Variants in HIC1 observed in about 807,000 individuals in gnomAD.
HIC1 encodes the protein hypermethylated in cancer 1 protein.
HIC1 carries 9 observed loss-of-function variants against 26.4 expected under a neutral mutation model. That is an observed-to-expected ratio of 0.34 (90% CI 0.21 to 0.59). HIC1 has a LOEUF of 0.59. Among genes scored for constraint, HIC1 ranks in the 20% least tolerant of loss-of-function variants. HIC1 has a pLI of 0.82. For synonymous variants in HIC1, 631 were observed against 523.1 expected, an observed-to-expected ratio of 1.21 and a Z score of -2.81; for missense variants, 965 against 1,075.7, an observed-to-expected ratio of 0.90 and a Z score of 1.44.
At position 2,059,561 on chromosome 17, in the gene HIC1, G is replaced by A. The variant is rs1286603944; in HGVS notation, c.*726G>A. ...CCATCCCGAGCCCAGGCTGGGCTGG[G>A]CTGGAACGCGGTCTCTTTAGCTCCC... On this transcript the variant is annotated 3_prime_UTR_variant, in exon 2 of 2. Transcript: ENST00000619757. 6.0e-6 allele frequency: 1 copy of A among 167,090 alleles called. No individual in the cohort carries two copies. The highest frequency in any genetic ancestry group is 1.9e-4 in the East Asian group (1 of 5,190). The allele number at this position is 167,090 out of a possible 1,614,324, so 10.4% of individuals were successfully genotyped here.
rs191224968 is a variant in HIC1 at position 2,056,283 on chromosome 17, C to G, written c.-20-388C>G. 3.4e-4 allele frequency: 543 copies of G among 1,607,648 alleles called. 4 individuals are homozygous for G. The East Asian group carries it at 0.011, about 32-fold the overall frequency. On this transcript the variant is annotated intron_variant, in intron 1 of 1. Coordinates refer to ENST00000619757, the MANE Select transcript of HIC1 (RefSeq NM_006497.4). ...GCTGGTTCCTCGGCTCCCTTTCTCC[C>G]TACTTGGGTAAAGTTCTCCGCCCTG...
Position 2,058,517 on chromosome 17 carries a change from G to A in HIC1, c.1827G>A (p.Leu609=). ...GCGCGGCCGGGGCGCTGGCGGGCTT[G>A]GGGGGGCTCCCCGGCGTCCCCGGCC... The part of the protein sequence containing the change: ...AAGAAGALAG[L]GGLPGVPGPD... Residue 609 remains leucine (L), a synonymous_variant, in exon 2 of 2, where the codon TTG becomes TTA. Transcript: ENST00000619757. 1 of 1,496,378 alleles carries A rather than the reference G, an allele frequency of 6.7e-7. No homozygotes were observed. Among genetic ancestry groups the A allele is most frequent in the Non-Finnish European group, 8.9e-7 (1 of 1,128,654 alleles). 92.7% of individuals were successfully genotyped at this position (1,496,378 alleles called of 1,614,324 possible).
rs1453601063 is a variant in HIC1 at position 2,058,977 on chromosome 17, T to TGGA, written c.*142_*143insGGA. 107 of 686,176 alleles carry TGGA rather than the reference T, an allele frequency of 1.6e-4. No individual in the cohort carries two copies. The highest frequency in any genetic ancestry group is 2.3e-4 in the Non-Finnish European group (101 of 447,228). The allele number at this position is 686,176 out of a possible 1,614,324, so 42.5% of individuals were successfully genotyped here. ...GTGGCGGCTCCACCTCTCGGCGGCCTCACCTGGCCTCACTGCTTCGTGCCT... is the reference window on the plus strand; with the variant it reads ...GTGGCGGCTCCACCTCTCGGCGGCCTGGACACCTGGCCTCACTGCTTCGTGCCT... On this transcript the variant is annotated 3_prime_UTR_variant, in exon 2 of 2. Coordinates refer to ENST00000619757, the MANE Select transcript of HIC1 (RefSeq NM_006497.4).
rs755835636 is a variant in HIC1 at position 2,057,875 on chromosome 17, C to T, written c.1185C>T (p.Gly395=). The change falls in exon 2 of 2, where the codon GGC becomes GGT. Residue 395 remains glycine (G), a synonymous_variant. Transcript: ENST00000619757. ...GCGAGGACCCCAGCCCGCCTGGCGG[C>T]CACCTCGAGGGCTACCCATGCCCGC... ...GSSEDPSPPG[G]HLEGYPCPHL... is the part of the protein sequence containing the mutation. 1.3e-6 allele frequency: 2 copies of T among 1,596,934 alleles called. No individual in the cohort carries two copies. Among genetic ancestry groups the T allele is most frequent in the Non-Finnish European group, 1.7e-6 (2 of 1,172,666 alleles).
chr17:2,056,852 G>A lies in HIC1; in HGVS notation c.162G>A (p.Lys54=), dbSNP rs749761506. The A allele has an allele frequency of 6.2e-6, 10 of 1,612,836 alleles. No individual in the cohort carries two copies. The highest frequency in any genetic ancestry group is 7.6e-6 in the Non-Finnish European group (9 of 1,179,938). The change falls in exon 2 of 2, where the codon AAG becomes AAA. Residue 54 remains lysine (K), a synonymous_variant. Coordinates refer to ENST00000619757, the MANE Select transcript of HIC1 (RefSeq NM_006497.4). ...NVLAASSAYL[K]SLVVHDNLLN... The stretch of plus-strand genomic sequence containing the variant: ...TGGCGGCCAGCAGCGCCTACCTCAA[G>A]TCCCTGGTGGTGCATGACAACCTGC...
rs1176713272 is a variant in HIC1, at chr17:2,056,000, G to A, written c.-20-671G>A. On this transcript the variant is annotated intron_variant, in intron 1 of 1. Transcript: ENST00000619757. This position sits in a 1 kb window ranked among gnomAD's most constrained non-coding sequence, Gnocchi z 6.4. Reference sequence around the variant, plus strand: ...GCGCTGCCCCCTCCCTCCCCTGGGAGCTGCGTGGCTCCCCCCTCCCCCCCA... The same window carrying A: ...GCGCTGCCCCCTCCCTCCCCTGGGAACTGCGTGGCTCCCCCCTCCCCCCCA... Among the ~76,000 whole-genome samples the A allele has an allele frequency of 6.9e-6, 1 of 145,952 alleles. No individual in the cohort carries two copies. Among genetic ancestry groups the A allele is most frequent in the East Asian group, 2.1e-4 (1 of 4,864 alleles).
intron 1 of HIC1, chr17:2,056,467 A>C (rs1462024493): frequency 4.5e-6 from 6 of 1,347,640 alleles, no homozygotes; most frequent in Non-Finnish European, 6.4e-6. Flanking sequence ...GCGGCCGCTC[A>C]CCTCCTGCTC....
At position 2,057,641 on chromosome 17, in the gene HIC1, G is replaced by A; in HGVS notation, c.951G>A (p.Pro317=). The stretch of plus-strand genomic sequence containing the variant: ...TCTATCGCTGGATGAAGCACGAGCC[G>A]GGCCTGGGTAGCTATGGCGACGAGC... The part of the protein sequence containing the change: ...SLLYRWMKHE[P]GLGSYGDELG... The change falls in exon 2 of 2, where the codon CCG becomes CCA. Residue 317 remains proline (P), a synonymous_variant. Transcript: ENST00000619757. 1 of 1,515,512 alleles carries A rather than the reference G, an allele frequency of 6.6e-7. No homozygotes were observed. The highest frequency in any genetic ancestry group is 2.7e-5 in the East Asian group (1 of 36,526). The allele number at this position is 1,515,512 out of a possible 1,614,324, so 93.9% of individuals were successfully genotyped here.
chr17:2,058,442 A>G lies in HIC1; in HGVS notation c.1752A>G (p.Gln584=), dbSNP rs754675131. ...CQVCGGKFAQ[Q]RNLISHMKMH... ...TGTGCGGCGGCAAGTTCGCACAGCA[A>G]CGCAACCTCATCAGCCACATGAAGA... The change falls in exon 2 of 2, where the codon CAA becomes CAG. Residue 584 remains glutamine (Q), a synonymous_variant. Transcript: ENST00000619757. 3.1e-6 allele frequency: 5 copies of G among 1,600,710 alleles called. No homozygotes were observed. The highest frequency in any genetic ancestry group is 4.3e-6 in the Non-Finnish European group (5 of 1,173,916).
chr17:2,057,024 G>A lies in HIC1; in HGVS notation c.334G>A (p.Ala112Thr). Residue 112 changes from alanine (A) to threonine (T), a missense_variant, in exon 2 of 2, where the codon GCC becomes ACC. By Grantham distance (58) the Ala-to-Thr change is moderately conservative. Around this residue, in one of 6 missense-constraint regions of HIC1, gnomAD observed 526 missense variants for 525.0 expected, o/e 1.00. Transcript: ENST00000619757. ...GAEPSLGAVL[A>T]AASYLQIPDL... Reference sequence around the variant, plus strand: ...TGAGCCGAGCCTGGGCGCCGTGCTGGCCGCCGCCAGCTACCTGCAGATCCC... The same window carrying A: ...TGAGCCGAGCCTGGGCGCCGTGCTGACCGCCGCCAGCTACCTGCAGATCCC... 6.7e-7 allele frequency: 1 copy of A among 1,487,730 alleles called. No homozygotes were observed. The highest frequency in any genetic ancestry group is 8.9e-7 in the Non-Finnish European group (1 of 1,123,592). 92.2% of individuals were successfully genotyped at this position (1,487,730 alleles called of 1,614,324 possible).
rs921595547 is a variant in HIC1, at chr17:2,062,713, G to C, written c.*3878G>C. On this transcript the variant is annotated 3_prime_UTR_variant, in exon 2 of 2. Transcript: ENST00000619757. ...AGGTCCGGCAGACAGCAAGGCACAG[G>C]AAGTGTCCTGCTGTGCTCACTGACT... The C allele has an allele frequency of 1.3e-5, 2 of 152,346 alleles. No individual in the cohort carries two copies. Among genetic ancestry groups the C allele is most frequent in the Admixed American group, 6.5e-5 (1 of 15,280 alleles). The allele number at this position is 152,346 out of a possible 1,614,324, so 9.4% of individuals were successfully genotyped here.
In HIC1 at chr17:2,061,706, C is replaced by G; in HGVS notation, c.*2871C>G. ...CTCTTCTCACCCTGGAGAATGTGGT[C>G]CTGGGGAGGGGGTGCCACGCTAGCC... On this transcript the variant is annotated 3_prime_UTR_variant, in exon 2 of 2. Transcript: ENST00000619757. 1 of 1,463,778 alleles carries G rather than the reference C, an allele frequency of 6.8e-7. No individual in the cohort carries two copies. The highest frequency in any genetic ancestry group is 1.2e-5 in the South Asian group (1 of 81,060). 90.7% of individuals were successfully genotyped at this position (1,463,778 alleles called of 1,614,324 possible). A position where few individuals can be genotyped will look rare whatever the true frequency, so the allele number is the denominator to read the frequency against.
rs2067729356 is a variant in HIC1 at position 2,060,073 on chromosome 17, C to G, written c.*1238C>G. On this transcript the variant is annotated 3_prime_UTR_variant, in exon 2 of 2. Coordinates refer to ENST00000619757, the MANE Select transcript of HIC1 (RefSeq NM_006497.4). ...TTGGCTCCCCTACACGGTACCCCATCGCTTCTGGCATAGTCCTGGGCCTCA... is the reference window on the plus strand; with the variant it reads ...TTGGCTCCCCTACACGGTACCCCATGGCTTCTGGCATAGTCCTGGGCCTCA... 6.5e-6 allele frequency: 1 copy of G among 152,916 alleles called. No individual in the cohort carries two copies. The highest frequency in any genetic ancestry group is 2.4e-5 in the African/African-American group (1 of 41,590). The allele number at this position is 152,916 out of a possible 1,614,324, so 9.5% of individuals were successfully genotyped here.
Position 2,058,400 on chromosome 17 carries a change from G to A in HIC1, c.1710G>A (p.Lys570=), listed in dbSNP as rs752869196. Residue 570 remains lysine, a synonymous_variant, in exon 2 of 2, where the codon AAG becomes AAA. Transcript: ENST00000619757. ...TEHMRIHSGE[K]PYECQVCGGK... is the part of the protein sequence containing the mutation. ...ACATGCGCATCCACTCGGGCGAGAA[G>A]CCCTACGAGTGCCAGGTGTGCGGCG... 1.9e-6 allele frequency: 3 copies of A among 1,610,102 alleles called. No homozygotes were observed. In the African/African-American group the frequency reaches 4.0e-5, roughly 22 times the overall value.
rs767666852 is a variant in HIC1, at chr17:2,058,224, C to T, written c.1534C>T (p.Leu512=). ...TLRQHEKTHW[L]TRPYPCTICG... ...GCGGCAGCACGAGAAGACGCACTGG[C>T]TGACCCGGCCCTACCCATGCACCAT... The change falls in exon 2 of 2, where the codon CTG becomes TTG. Residue 512 remains leucine (L), a synonymous_variant. Transcript: ENST00000619757. The T allele has an allele frequency of 6.8e-6, 11 of 1,611,658 alleles. No individual in the cohort carries two copies. Among genetic ancestry groups the T allele is most frequent in the Admixed American group, 1.7e-5 (1 of 59,996 alleles).
rs1013314427 is a variant in HIC1 at position 2,055,510 on chromosome 17, G to T, written c.-21+272G>T. Among the ~76,000 whole-genome samples, 1 of 151,844 alleles carries T rather than the reference G, an allele frequency of 6.6e-6. No homozygotes were observed. The highest frequency in any genetic ancestry group is 1.5e-5 in the Non-Finnish European group (1 of 67,888). ...AAGGGAAGGGAAGGGGAGCTGGCGGGCGGGGCTGGCAGGGGCGCTGCCCTG... is the reference window on the plus strand; with the variant it reads ...AAGGGAAGGGAAGGGGAGCTGGCGGTCGGGGCTGGCAGGGGCGCTGCCCTG... On this transcript the variant is annotated intron_variant, in intron 1 of 1. Transcript: ENST00000619757. The surrounding 1 kb of genome is among the most constrained non-coding windows in gnomAD (Gnocchi z 6.4).
At position 2,059,846 on chromosome 17, in the gene HIC1, G is replaced by A. The variant is rs868627730; in HGVS notation, c.*1011G>A. Reference sequence around the variant, plus strand: ...AACAGATCAGCAAGAGGTCAGGTATGTTTCATAACTAAAAATTTATTAAGG... The same window carrying A: ...AACAGATCAGCAAGAGGTCAGGTATATTTCATAACTAAAAATTTATTAAGG... On this transcript the variant is annotated 3_prime_UTR_variant, in exon 2 of 2. Transcript: ENST00000619757. 1 of 166,580 alleles carries A rather than the reference G, an allele frequency of 6.0e-6. No homozygotes were observed. Among genetic ancestry groups the A allele is most frequent in the African/African-American group, 2.4e-5 (1 of 41,454 alleles). The allele number at this position is 166,580 out of a possible 1,614,324, so 10.3% of individuals were successfully genotyped here. A position where few individuals can be genotyped will look rare whatever the true frequency, so the allele number is the denominator to read the frequency against.
chr17:2,061,676 G>A lies in HIC1; in HGVS notation c.*2841G>A. The stretch of plus-strand genomic sequence containing the variant: ...CACTGAGGACAGGAGGCAGAGGGCT[G>A]GCTGCTCTTCTCACCCTGGAGAATG... On this transcript the variant is annotated 3_prime_UTR_variant, in exon 2 of 2. Transcript: ENST00000619757. The A allele has an allele frequency of 2.6e-6, 4 of 1,538,602 alleles. No homozygotes were observed. The highest frequency in any genetic ancestry group is 3.5e-6 in the Non-Finnish European group (4 of 1,139,248).
In HIC1 at chr17:2,055,492, G is replaced by A. The variant is rs1459580553; in HGVS notation, c.-21+254G>A. Among the ~76,000 whole-genome samples the A allele has an allele frequency of 3.3e-5, 5 of 151,992 alleles. No homozygotes were observed. Among genetic ancestry groups the A allele is most frequent in the South Asian group, 2.1e-4 (1 of 4,834 alleles). On this transcript the variant is annotated intron_variant, in intron 1 of 1. Transcript: ENST00000619757. This position sits in a 1 kb window ranked among gnomAD's most constrained non-coding sequence, Gnocchi z 6.4. ...GGCTGGAGAGGCGAGGGGAAGGGAA[G>A]GGAAGGGGAGCTGGCGGGCGGGGCT...
Sources: allele counts gnomAD v4.1 joint callset (sites outside exome capture counted in the v4.1 genomes callset), GRCh38; gene constraint gnomAD v4.1.1; regional missense constraint gnomAD v4.1.1; non-coding constraint Gnocchi (gnomAD v3.1); transcripts MANE v1.5; gene names NCBI Gene and HGNC (gene_info 2026-07-23, HGNC 2026-07-21).